Variants in SGK1 observed in about 807,000 individuals in gnomAD.
SGK1 encodes the protein serine/threonine-protein kinase Sgk1.
In SGK1, 26 loss-of-function variants were observed where a neutral mutation model predicts 64.2. The ratio of observed to expected loss-of-function variants is 0.40; its 90% CI spans 0.30 to 0.56. The LOEUF is 0.56. Ranked by LOEUF, SGK1 falls within the 20% of genes least tolerant of loss-of-function variation. The pLI is 0.38. For synonymous variants in SGK1, 265 were observed against 239.7 expected (o/e 1.11, Z -0.98); for missense variants, 519 against 645.6 (o/e 0.80, Z 2.12).
intron 1 of SGK1, chr6:134,297,512 C>A: frequency 1.8e-6 from 1 of 565,552 alleles, no homozygotes; most frequent in Non-Finnish European, 3.4e-6. Flanking sequence ...AGATCTCTGT[C>A]TTGTTTTTGA....
intron 2 of SGK1, among the ~76,000 whole-genome samples, chr6:134,244,576 G>A (rs999692386): frequency 1.3e-5 from 2 of 152,096 alleles, no homozygotes; most frequent in South Asian, 2.1e-4. Context: ...AGAGTTCCCC[G>A]ACCCCCTTGC....
intron 10 of SGK1, 91 bp downstream of exon 10, chr6:134,172,102 G>A: frequency 1.4e-6 from 2 of 1,408,000 alleles, no homozygotes; most frequent in Non-Finnish European, 2.0e-6. Flanking sequence ...TCTGAGAGGA[G>A]TTTACTCTTT....
intron 3 of SGK1, among the ~76,000 whole-genome samples, chr6:134,191,621 A>G (rs1775510631): frequency 6.6e-6 from 1 of 151,998 alleles, no homozygotes; most frequent in African/African-American, 2.4e-5. Flanking sequence ...GAACGATTAT[A>G]CTAAGTGGCA....
chr6:134,233,825 A>G (rs1776325176), intron 2 of SGK1, among the ~76,000 whole-genome samples: 1 of 151,452 alleles, frequency 6.6e-6, no homozygotes, highest in African/African-American at 2.4e-5. Context: ...TTTTTTGGCC[A>G]GAAATTTGCT....
chr6:134,173,658 AATGACTGATGC>A (rs1294657311), intron 5 of SGK1, 92 bp from the exon 6 acceptor site: 9 of 830,372 alleles, frequency 1.1e-5, no homozygotes, highest in Non-Finnish European at 3.8e-6. Context: ...TACATCTACA[AATGACTGATGC>A]AAATGACCAT....
In SGK1 at chr6:134,262,075, G is replaced by A. The variant is rs148941985; in HGVS notation, c.143C>T (p.Ser48Phe). 3.6e-4 allele frequency: 578 copies of A among 1,613,622 alleles called. 3 individuals are homozygous for A. In the East Asian group the frequency reaches 9.6e-3, roughly 27 times the overall value. The stretch of plus-strand genomic sequence containing the variant: ...CCCTGGAGGGATGTGCACCATGGAG[G>A]AGCCGGTGTACTTCAGGCTGGGACT... ...HQSPSLKYTG[S>F]SMVHIPPGEP... The change falls in exon 2 of 14, where the codon TCC becomes TTC. Residue 48 changes from serine (S) to phenylalanine (F), a missense_variant. By Grantham distance (155) the Ser-to-Phe change is radical (BLOSUM62 -2). This residue lies in a region of SGK1 where 241 missense variants were observed against 236.9 expected (regional missense o/e 1.02). Transcript: ENST00000367858.
At chr6:134,204,018 G>A (rs997855991) in intron 3 of SGK1, among the ~76,000 whole-genome samples, 6 of 150,510 alleles carry the variant, frequency 4.0e-5, no homozygotes, top group African/African-American at 1.5e-4. Flanking sequence ...GAGCCGAGCC[G>A]AGATCATGCC....
At chr6:134,197,616 A>G (rs546424127) in intron 3 of SGK1, among the ~76,000 whole-genome samples, 1 of 152,244 alleles carries the variant, frequency 6.6e-6, no homozygotes, top group East Asian at 1.9e-4. Flanking sequence ...ACTTGAGGTC[A>G]GGAGTTTGAG....
At chr6:134,217,470 G>A (rs890599536) in intron 2 of SGK1, among the ~76,000 whole-genome samples, 1 of 152,140 alleles carries the variant, frequency 6.6e-6, no homozygotes, top group African/African-American at 2.4e-5. Flanking sequence ...TTTGGATCCT[G>A]GGTGGTGGGC....
At chr6:134,244,585 G>T (rs1776496162) in intron 2 of SGK1, among the ~76,000 whole-genome samples, 1 of 152,072 alleles carries the variant, frequency 6.6e-6, no homozygotes, top group Non-Finnish European at 1.5e-5. Context: ...CGACCCCCTT[G>T]CACTTCCCGG....
intron 13 of SGK1, 64 bp from the exon 14 acceptor site, chr6:134,170,499 T>C (rs533868072): frequency 1.4e-5 from 20 of 1,465,228 alleles, no homozygotes; most frequent in Admixed American, 4.2e-5. Flanking sequence ...CAGGGAAATC[T>C]TGACCAGGCT....
chr6:134,298,308 C>T, intron 1 of SGK1: 1 of 1,568,150 alleles, frequency 6.4e-7, no homozygotes, highest in Non-Finnish European at 8.7e-7. Context: ...TCCAAGCTGT[C>T]TTCTGCTGCT....
chr6:134,298,596 C>G, intron 1 of SGK1: 1 of 998,270 alleles, frequency 1.0e-6, no homozygotes. Flanking sequence ...GCTTGAGGAG[C>G]TGATGCAGGT....
intron 2 of SGK1, among the ~76,000 whole-genome samples, chr6:134,224,570 A>G (rs1776139322): frequency 6.6e-6 from 1 of 152,156 alleles, no homozygotes; most frequent in Non-Finnish European, 1.5e-5. Flanking sequence ...AGGGCATCAT[A>G]TGCAGCTTTA....
intron 2 of SGK1, among the ~76,000 whole-genome samples, chr6:134,239,932 T>G (rs936281464): frequency 6.6e-6 from 1 of 151,960 alleles, no homozygotes; most frequent in African/African-American, 2.4e-5. Context: ...TTGAAGGTCA[T>G]GAGAGGGAGG....
At chr6:134,228,867 G>A (rs1465736903) in intron 2 of SGK1, among the ~76,000 whole-genome samples, 5 of 135,584 alleles carry the variant, frequency 3.7e-5, no homozygotes, top group Non-Finnish European at 6.1e-5. Flanking sequence ...TTTTTGAGAC[G>A]GAGTCTCGCT....
chr6:134,225,176 G>A (rs540391716), intron 2 of SGK1, among the ~76,000 whole-genome samples: 15 of 151,350 alleles, frequency 9.9e-5, no homozygotes, highest in African/African-American at 3.1e-4. Context: ...ATGGTGAAAC[G>A]CTGTCTCTAC....
intron 3 of SGK1, among the ~76,000 whole-genome samples, chr6:134,185,108 G>A (rs1281754514): frequency 3.3e-5 from 5 of 152,288 alleles, no homozygotes; most frequent in Non-Finnish European, 5.9e-5. Context: ...CTCTATGGAC[G>A]ATATCATATG....
At chr6:134,243,536 A>G (rs1035216925) in intron 2 of SGK1, among the ~76,000 whole-genome samples, 6 of 151,940 alleles carry the variant, frequency 3.9e-5, no homozygotes, top group African/African-American at 1.5e-4. Flanking sequence ...TGCTCGGCTA[A>G]GTTTGTATTT....
Sources: gnomAD v4.1 joint callset for allele counts (sites outside exome capture counted in the v4.1 genomes callset) on GRCh38, gnomAD v4.1.1 for gene constraint, gnomAD v4.1.1 regional missense constraint, MANE v1.5 for transcripts, NCBI Gene and HGNC (gene_info 2026-07-23, HGNC 2026-07-21) for gene names.